The following VEPH1 variants were observed in gnomAD, a reference collection of about 807,000 sequenced individuals.
VEPH1 encodes the protein ventricular zone expressed PH domain containing 1, also known as ventricular zone-expressed PH domain-containing protein homolog 1.
In VEPH1, 80 loss-of-function variants were observed where a neutral mutation model predicts 85.2. The observed-to-expected ratio is 0.94, with a 90% CI of 0.78 to 1.13. VEPH1 has a LOEUF of 1.13. Ranked by LOEUF, VEPH1 falls within the 50% of genes most tolerant of loss-of-function variation. The probability of loss-of-function intolerance (pLI) is 0.00; values close to 1 mark genes in which losing one functional copy is unlikely to be tolerated. For synonymous variants in VEPH1, 297 were observed against 348.0 expected (o/e 0.85, Z 1.63); for missense variants, 955 against 980.5 (o/e 0.97, Z 0.35).
intron 3 of VEPH1, among the ~76,000 whole-genome samples, chr3:157,465,590 A>G (rs1274132452): frequency 6.6e-6 from 1 of 152,234 alleles, no homozygotes; most frequent in African/African-American, 2.4e-5. Context: ...ATAAACTGCT[A>G]GATTGGCATA....
At chr3:157,372,881 C>G (rs1727671458) in intron 7 of VEPH1, among the ~76,000 whole-genome samples, 1 of 152,166 alleles carries the variant, frequency 6.6e-6, no homozygotes, top group South Asian at 2.1e-4. Flanking sequence ...TTCTTATTTT[C>G]TTATTTTTAA....
chr3:157,329,773 T>C (rs1446401036), intron 9 of VEPH1, among the ~76,000 whole-genome samples: 2 of 152,178 alleles, frequency 1.3e-5, no homozygotes, highest in Non-Finnish European at 2.9e-5. Flanking sequence ...GGTTATATAT[T>C]TTGTCCTATT....
At chr3:157,387,463 A>C (rs553689902) in intron 6 of VEPH1, among the ~76,000 whole-genome samples, 2 of 152,380 alleles carry the variant, frequency 1.3e-5, no homozygotes, top group African/African-American at 4.8e-5. Flanking sequence ...AAAGTTGCAC[A>C]GGTATAATAT....
intron 5 of VEPH1, among the ~76,000 whole-genome samples, chr3:157,418,000 T>G (rs891737773): frequency 1.3e-5 from 2 of 152,142 alleles, no homozygotes; most frequent in Non-Finnish European, 2.9e-5. Context: ...AGTCCACATA[T>G]GCAAGCTCTT....
chr3:157,284,592 A>G (rs982359030), intron 12 of VEPH1, among the ~76,000 whole-genome samples: 1 of 152,186 alleles, frequency 6.6e-6, no homozygotes, highest in African/African-American at 2.4e-5. Flanking sequence ...TTAAATATAT[A>G]ATTTAAGTGC....
At chr3:157,413,802 T>C in intron 6 of VEPH1, 79 bp downstream of exon 6, 1 of 1,482,636 alleles carries the variant, frequency 6.7e-7, no homozygotes, top group East Asian at 2.3e-5. Flanking sequence ...TTGCACGTCA[T>C]AATAATCCAA....
rs1297357935 is a variant in VEPH1 at position 157,265,774 on chromosome 3, G to C, written c.2129-112C>G. The C allele has an allele frequency of 1.5e-5, 16 of 1,093,912 alleles. No homozygotes were observed. In the East Asian group the frequency reaches 4.0e-4, roughly 27 times the overall value. 67.8% of individuals were successfully genotyped at this position (1,093,912 alleles called of 1,614,324 possible). A position where few individuals can be genotyped will look rare whatever the true frequency, so the allele number is the denominator to read the frequency against. ...AGAACCCAGTTAGCACACCTGGAAA[G>C]TAGGCTAATAAATGATGAATTTGGT... On this transcript the variant is annotated intron_variant, in intron 12 of 13. Transcript: ENST00000362010.
intron 9 of VEPH1, among the ~76,000 whole-genome samples, chr3:157,322,804 A>G (rs1055235723): frequency 6.6e-6 from 1 of 152,232 alleles, no homozygotes; most frequent in Admixed American, 6.5e-5. Context: ...CAAAGACAAA[A>G]AATTCAAAAC....
chr3:157,367,394 C>T (rs543648878), intron 7 of VEPH1, among the ~76,000 whole-genome samples: 1 of 152,210 alleles, frequency 6.6e-6, no homozygotes, highest in South Asian at 2.1e-4. Flanking sequence ...ATTTTACAAA[C>T]CATGATGATT....
chr3:157,296,576 T>C (rs1718172762), intron 11 of VEPH1, among the ~76,000 whole-genome samples: 1 of 152,246 alleles, frequency 6.6e-6, no homozygotes, highest in African/African-American at 2.4e-5. Context: ...TCTTCAAACT[T>C]GGAGATAAAC....
chr3:157,437,750 C>A lies in VEPH1; in HGVS notation c.530-9262G>T, dbSNP rs942839687. 1.0e-5 allele frequency: 15 copies of A among 1,490,770 alleles called. No homozygotes were observed. The Admixed American group carries it at 2.5e-4, about 25-fold the overall frequency. 92.3% of individuals were successfully genotyped at this position (1,490,770 alleles called of 1,614,324 possible). The stretch of plus-strand genomic sequence containing the variant: ...AGTGCTCTGGACGAGCTGCTGCAGG[C>A]GACCCGCGACGCGGGCCGCAGGCTG... On this transcript the variant is annotated intron_variant, in intron 4 of 13. Transcript: ENST00000362010.
chr3:157,274,811 T>G (rs1715172563), intron 12 of VEPH1, among the ~76,000 whole-genome samples: 1 of 152,200 alleles, frequency 6.6e-6, no homozygotes, highest in Non-Finnish European at 1.5e-5. Context: ...TCTTCTGTTT[T>G]TGAGTAACTC....
chr3:157,366,821 GGTAACTAATTTTTTCA>G (rs1352244960), intron 7 of VEPH1, among the ~76,000 whole-genome samples: 1 of 152,132 alleles, frequency 6.6e-6, no homozygotes, highest in East Asian at 1.9e-4. Context: ...CAGAAGGGCT[GGTAACTAATTTTTTCA>G]GTTATAATCT....
At chr3:157,437,819 G>A (rs1001299836) in intron 4 of VEPH1, 1 of 1,464,482 alleles carries the variant, frequency 6.8e-7, no homozygotes, top group Non-Finnish European at 8.9e-7. Flanking sequence ...GAGGAGGCGG[G>A]GCGCGCCCTG....
intron 3 of VEPH1, among the ~76,000 whole-genome samples, chr3:157,463,734 G>A (rs936051683): frequency 3.9e-5 from 6 of 152,194 alleles, no homozygotes; most frequent in Non-Finnish European, 5.9e-5. Flanking sequence ...AGGCATGCCA[G>A]TGCACTCAAC....
At chr3:157,320,792 G>A (rs949284950) in intron 9 of VEPH1, among the ~76,000 whole-genome samples, 11 of 152,082 alleles carry the variant, frequency 7.2e-5, no homozygotes, top group Non-Finnish European at 1.2e-4. Flanking sequence ...TAAATTTAAA[G>A]ACATGATACA....
intron 6 of VEPH1, among the ~76,000 whole-genome samples, chr3:157,388,320 G>A (rs1729518415): frequency 6.6e-6 from 1 of 152,156 alleles, no homozygotes; most frequent in Non-Finnish European, 1.5e-5. Context: ...TAATTGAAGA[G>A]ACTTAGCTCC....
chr3:157,397,144 A>C (rs1019823487), intron 6 of VEPH1, among the ~76,000 whole-genome samples: 1 of 152,198 alleles, frequency 6.6e-6, no homozygotes, highest in African/African-American at 2.4e-5. Context: ...AATTTTCTAC[A>C]TATGGCTAGC....
chr3:157,470,424 G>A lies in VEPH1; in HGVS notation c.244C>T (p.Leu82Phe). The change falls in exon 3 of 14, where the codon CTT (leucine) becomes TTT (phenylalanine). Residue 82 changes from leucine (L) to phenylalanine (F), a missense_variant. Transcript: ENST00000362010. ...AAGCAGGAGTCCCAGAGCCCCACAA[G>A]GGCCTTTGCATGCTTTTCAATGGAC... ...TESIEKHAKA[L>F]VGLWDSCLEH... 1 of 1,614,122 alleles carries A rather than the reference G, an allele frequency of 6.2e-7. No homozygotes were observed. Among genetic ancestry groups the A allele is most frequent in the South Asian group, 1.1e-5 (1 of 91,074 alleles).
Sources: gnomAD v4.1 joint callset for allele counts (sites outside exome capture counted in the v4.1 genomes callset) on GRCh38, gnomAD v4.1.1 for gene constraint, MANE v1.5 for transcripts, NCBI Gene and HGNC (gene_info 2026-07-23, HGNC 2026-07-21) for gene names.